Variants in STAB2 observed in about 807,000 individuals in gnomAD.
STAB2 encodes the protein stabilin 2, also known as stabilin-2.
A neutral mutation model predicts 338.1 loss-of-function variants in STAB2; 288 were observed. The observed-to-expected ratio is 0.85, with a 90% CI of 0.77 to 0.94. STAB2 has a LOEUF of 0.94. STAB2 is among the 40% of genes least tolerant of loss of function. The pLI, the probability that STAB2 is intolerant of heterozygous loss-of-function variation, is 0.00. For synonymous variants in STAB2, 1,202 were observed against 1,193.3 expected (o/e 1.01, Z -0.15); for missense variants, 3,141 against 3,210.1 (o/e 0.98, Z 0.52).
At chr12:103,724,287 A>G (rs1040222175) in intron 44 of STAB2, among the ~76,000 whole-genome samples, 1 of 152,220 alleles carries the variant, frequency 6.6e-6, no homozygotes, top group Non-Finnish European at 1.5e-5. Context: ...AGGAAGGGCA[A>G]TGTTTGCAGG....
rs181128625 is a variant in STAB2 at position 103,687,052 on chromosome 12, A to G, written c.2998-1116A>G. Among the ~76,000 whole-genome samples, 27 of 152,288 alleles carry G rather than the reference A, an allele frequency of 1.8e-4. 1 individual carries two copies. The East Asian group carries it at 3.9e-3, about 22-fold the overall frequency. On this transcript the variant is annotated intron_variant, in intron 27 of 68. Transcript: ENST00000388887. Reference sequence around the variant, plus strand: ...CTTGCTTAATAACCTCAACTACTAGATGGAATTGAGTCAGCACTGAGACTT... The same window carrying G: ...CTTGCTTAATAACCTCAACTACTAGGTGGAATTGAGTCAGCACTGAGACTT...
chr12:103,763,959 T>A (rs1884727969), intron 68 of STAB2: 3 of 177,638 alleles, frequency 1.7e-5, no homozygotes, highest in African/African-American at 7.1e-5. Flanking sequence ...CAAAACAAGA[T>A]GGAAAAAGGA....
intron 20 of STAB2, chr12:103,669,252 A>G (rs1875482169): frequency 8.1e-6 from 3 of 370,346 alleles, no homozygotes; most frequent in East Asian, 4.8e-5. Context: ...TTTAAAATTC[A>G]TACATTGACT....
intron 23 of STAB2, among the ~76,000 whole-genome samples, chr12:103,674,668 G>T: frequency 6.6e-6 from 1 of 152,152 alleles, no homozygotes; most frequent in Non-Finnish European, 1.5e-5. Flanking sequence ...GGGTTTGAGG[G>T]GGAAAATGCC....
chr12:103,715,750 C>T (rs1173284970), intron 42 of STAB2, 65 bp from the exon 43 acceptor site: 10 of 1,590,158 alleles, frequency 6.3e-6, no homozygotes. Flanking sequence ...GCTCATCCCT[C>T]AAGCTGGCTT....
At position 103,703,235 on chromosome 12, in the gene STAB2, C is replaced by G; in HGVS notation, c.3802C>G (p.Gln1268Glu). 1 of 1,613,848 alleles carries G rather than the reference C, an allele frequency of 6.2e-7. No homozygotes were observed. Among genetic ancestry groups the G allele is most frequent in the Non-Finnish European group, 8.5e-7 (1 of 1,180,030 alleles). Residue 1268 changes from glutamine (Q) to glutamate (E), a missense_variant, in exon 35 of 69, where the codon CAG (glutamine) becomes GAG (glutamate). Physicochemically the swap from Gln to Glu is conservative, Grantham distance 29. Coordinates refer to ENST00000388887, the MANE Select transcript of STAB2 (RefSeq NM_017564.10). Reference protein sequence around the residue: ...IHGLGKVLEIQKNRCDNNDTT... With the variant: ...IHGLGKVLEIEKNRCDNNDTT... ...TGGCTTGGGAAAAGTTCTGGAAATT[C>G]AGAAGAACAGATGTGATAATAATGA...
intron 52 of STAB2, 23 bp from the exon 53 acceptor site, chr12:103,737,606 CTTTTT>C (rs761241523): frequency 8.2e-4 from 818 of 997,062 alleles, no homozygotes; most frequent in South Asian, 9.0e-4. Flanking sequence ...CTCTCTTTCT[CTTTTT>C]TTTTTTTTTT....
chr12:103,710,043 C>T (rs185173138), intron 39 of STAB2, among the ~76,000 whole-genome samples: 280 of 152,260 alleles, frequency 1.8e-3, no homozygotes, highest in African/African-American at 6.3e-3. Context: ...CCTCCTGCTC[C>T]CCTCTCACCA....
Position 103,594,172 on chromosome 12 carries a change from TC to T in STAB2, c.216-218del, listed in dbSNP as rs562132543. Among the ~76,000 whole-genome samples, 16 of 152,334 alleles carry T rather than the reference TC, an allele frequency of 1.1e-4. No homozygotes were observed. The South Asian group carries it at 2.1e-3, about 20-fold the overall frequency. On this transcript the variant is annotated intron_variant, in intron 2 of 68. Transcript: ENST00000388887. ...CACTTCTGATATCACTTTAGATATT[TC>T]CCCCGTATGTTCATTGTTCTCTGAT...
intron 28 of STAB2, among the ~76,000 whole-genome samples, chr12:103,689,526 C>T (rs888260571): frequency 6.6e-6 from 1 of 151,794 alleles, no homozygotes; most frequent in African/African-American, 2.4e-5. Context: ...AGGTTCTCTG[C>T]ACACACACAT....
intron 22 of STAB2, among the ~76,000 whole-genome samples, chr12:103,671,230 T>A (rs1232442296): frequency 6.6e-6 from 1 of 152,124 alleles, no homozygotes; most frequent in Admixed American, 6.5e-5. Context: ...GGTGGGTGGA[T>A]CACTTGAGGT....
intron 53 of STAB2, among the ~76,000 whole-genome samples, chr12:103,738,265 T>G (rs554971730): frequency 2.6e-5 from 4 of 152,306 alleles, no homozygotes; most frequent in African/African-American, 9.6e-5. Context: ...CATTGATTCA[T>G]TCATTTGACA....
intron 41 of STAB2, among the ~76,000 whole-genome samples, chr12:103,713,087 C>T (rs1880012415): frequency 6.6e-6 from 1 of 152,228 alleles, no homozygotes; most frequent in Admixed American, 6.5e-5. Flanking sequence ...AGTTTCTTGA[C>T]TGCTCTTTGC....
At chr12:103,652,267 T>C (rs17034271) in intron 11 of STAB2, among the ~76,000 whole-genome samples, 6,020 of 152,314 alleles carry the variant, frequency 0.04, 261 homozygotes, top group Admixed American at 0.12. Context: ...GCTTTCCCCA[T>C]GTCAGTTTCA....
intron 21 of STAB2, 70 bp from the exon 22 acceptor site, chr12:103,670,626 C>G (rs779987359): frequency 1.4e-4 from 166 of 1,209,264 alleles, no homozygotes; most frequent in Non-Finnish European, 2.0e-4. Flanking sequence ...TCAAAGAAGT[C>G]AGGCCATGAA....
At chr12:103,636,034 T>C (rs1957539530) in intron 6 of STAB2, among the ~76,000 whole-genome samples, 2 of 152,228 alleles carry the variant, frequency 1.3e-5, no homozygotes, top group South Asian at 4.1e-4. Context: ...CTGCTATTTC[T>C]TTATTCTTTT....
Position 103,664,146 on chromosome 12 carries a change from T to C in STAB2, c.2022+1148T>C, listed in dbSNP as rs184223813. ...TTGTTTTGTTTTTGTTTGTTTGTTT[T>C]GTTTTATTTTGTTTTGAGACAGAGT... On this transcript the variant is annotated intron_variant, in intron 18 of 68. Coordinates refer to ENST00000388887, the MANE Select transcript of STAB2 (RefSeq NM_017564.10). 3.1e-4 allele frequency among the ~76,000 whole-genome samples: 47 copies of C among 152,350 alleles called. 1 individual carries two copies. The East Asian group carries it at 8.5e-3, about 28-fold the overall frequency.
At chr12:103,626,855 T>C (rs888253407) in intron 5 of STAB2, among the ~76,000 whole-genome samples, 3 of 152,194 alleles carry the variant, frequency 2.0e-5, no homozygotes, top group African/African-American at 7.2e-5. Flanking sequence ...AATTTCGAGC[T>C]GCACCAGCCA....
chr12:103,706,761 T>C, intron 37 of STAB2, 31 bp from the exon 38 acceptor site: 1 of 1,613,468 alleles, frequency 6.2e-7, no homozygotes, highest in Non-Finnish European at 8.5e-7. Flanking sequence ...AGGATAGAAG[T>C]GCGTTGTCAA....
Sources: gnomAD v4.1 joint callset for allele counts (sites outside exome capture counted in the v4.1 genomes callset) on GRCh38, gnomAD v4.1.1 for gene constraint, MANE v1.5 for transcripts, NCBI Gene and HGNC (gene_info 2026-07-23, HGNC 2026-07-21) for gene names.